PRKAR1B: variants seen among roughly 807,000 people sequenced by gnomAD.
PRKAR1B encodes protein kinase cAMP-dependent type I regulatory subunit beta.
In PRKAR1B, 22 loss-of-function variants were observed where a neutral mutation model predicts 46.5. The ratio of observed to expected loss-of-function variants is 0.47; its 90% CI spans 0.34 to 0.68. The LOEUF is 0.68. Ranked by LOEUF, PRKAR1B falls within the 30% of genes least tolerant of loss-of-function variation. The probability of loss-of-function intolerance (pLI) is 0.01; values close to 1 mark genes in which losing one functional copy is unlikely to be tolerated. For missense variants in PRKAR1B, 445 were observed against 535.6 expected, an observed-to-expected ratio of 0.83 and a Z score of 1.67; for synonymous variants, 259 against 217.7, an observed-to-expected ratio of 1.19 and a Z score of -1.67.
At chr7:680,157 C>CA (rs372918350) in intron 3 of PRKAR1B, among the ~76,000 whole-genome samples, 3,452 of 73,372 alleles carry the variant, frequency 0.047, 185 homozygotes, top group African/African-American at 0.14. Context: ...GACTCTGTTT[C>CA]AAAAAAAAAA....
Position 588,547 on chromosome 7 carries a change from CGGT to C in PRKAR1B, c.709-3982_709-3980del, listed in dbSNP as rs1454686055. On this transcript the variant is annotated intron_variant, in intron 7 of 10. Coordinates refer to ENST00000537384, the MANE Select transcript of PRKAR1B (RefSeq NM_001164760.2). ...GTGGTGACGGTGGTGATGGTGGTGA[CGGT>C]GGTGATGGTGGTGATGTTGGTGAGG... Among the ~76,000 whole-genome samples the C allele has an allele frequency of 6.1e-4, 3 of 4,914 alleles. 1 individual carries two copies. The highest frequency in any genetic ancestry group is 2.6e-3 in the African/African-American group (3 of 1,138). 3.2% of individuals were successfully genotyped at this position (4,914 alleles called of 152,430 possible).
intron 4 of PRKAR1B, among the ~76,000 whole-genome samples, chr7:631,799 A>AAC (rs1554295832): frequency 3.2e-4 from 49 of 152,198 alleles, no homozygotes; most frequent in African/African-American, 1.1e-3. Flanking sequence ...AAAAAAAAAA[A>AAC]ATTGGAAATT....
intron 4 of PRKAR1B, among the ~76,000 whole-genome samples, chr7:660,091 G>A (rs1016374618): frequency 4.0e-5 from 6 of 151,884 alleles, no homozygotes; most frequent in African/African-American, 9.7e-5. Context: ...TCCCCTACTC[G>A]GAGTCAGTGG....
intron 4 of PRKAR1B, among the ~76,000 whole-genome samples, chr7:641,195 G>A (rs1784367884): frequency 1.3e-5 from 2 of 151,950 alleles, no homozygotes; most frequent in South Asian, 2.1e-4. Flanking sequence ...CTCATGATCC[G>A]CCCGCCTCGG....
At chr7:691,508 G>A (rs887140553) in intron 2 of PRKAR1B, 1 of 1,304,460 alleles carries the variant, frequency 7.7e-7, no homozygotes, top group South Asian at 1.2e-5. Context: ...GCCATCCAGG[G>A]AGAGCAAATG....
At chr7:607,732 A>C in intron 4 of PRKAR1B, 2 of 342,468 alleles carry the variant, frequency 5.8e-6, no homozygotes, top group Non-Finnish European at 1.1e-5. Flanking sequence ...CATGCCATAC[A>C]TGCATTTTGA....
At position 622,797 on chromosome 7, in the gene PRKAR1B, T is replaced by A. The variant is rs1315406749; in HGVS notation, c.441-15345A>T. Among the ~76,000 whole-genome samples the A allele has an allele frequency of 5.9e-5, 9 of 152,212 alleles. No homozygotes were observed. In the East Asian group the frequency reaches 1.5e-3, roughly 26 times the overall value. ...GACCCCGCTGAAGGCAGAACACTTGTTCCAGCGCATACTAATATGTTTTTC... is the reference window on the plus strand; with the variant it reads ...GACCCCGCTGAAGGCAGAACACTTGATCCAGCGCATACTAATATGTTTTTC... On this transcript the variant is annotated intron_variant, in intron 4 of 10. Transcript: ENST00000537384.
chr7:571,073 G>A (rs1263265279), intron 9 of PRKAR1B, among the ~76,000 whole-genome samples: 1 of 152,218 alleles, frequency 6.6e-6, no homozygotes, highest in Non-Finnish European at 1.5e-5. Flanking sequence ...GGCCCCTGTG[G>A]CTCCGGCACT....
In PRKAR1B at chr7:593,582, G is replaced by C. The variant is rs768800346; in HGVS notation, c.708+2564C>G. Reference sequence around the variant, plus strand: ...TGGGGAAACGGCTTATGCAACGCCGGGCCAGGTGCGCCCAGAGGAGATGGG... The same window carrying C: ...TGGGGAAACGGCTTATGCAACGCCGCGCCAGGTGCGCCCAGAGGAGATGGG... On this transcript the variant is annotated intron_variant, in intron 7 of 10. Coordinates refer to ENST00000537384, the MANE Select transcript of PRKAR1B (RefSeq NM_001164760.2). The surrounding 1 kb of genome is among the most constrained non-coding windows in gnomAD (Gnocchi z 6.1). Among the ~76,000 whole-genome samples the C allele has an allele frequency of 1.4e-4, 21 of 152,162 alleles. No homozygotes were observed. The highest frequency in any genetic ancestry group is 2.8e-4 in the Non-Finnish European group (19 of 68,038).
chr7:578,208 G>A (rs746596732), intron 9 of PRKAR1B, among the ~76,000 whole-genome samples: 2 of 152,172 alleles, frequency 1.3e-5, no homozygotes, highest in Non-Finnish European at 2.9e-5. Flanking sequence ...TCTCAGGCAC[G>A]GAGTCCCTCG....
At chr7:692,654 C>T (rs888029736) in intron 2 of PRKAR1B, among the ~76,000 whole-genome samples, 6 of 152,156 alleles carry the variant, frequency 3.9e-5, no homozygotes, top group Admixed American at 2.0e-4. Context: ...GCCCTGCAGT[C>T]GCCCGGGAGA....
chr7:713,386 C>T (rs1005981120), intron 1 of PRKAR1B, among the ~76,000 whole-genome samples: 2 of 152,042 alleles, frequency 1.3e-5, no homozygotes, highest in African/African-American at 4.8e-5. Context: ...CTGCACTCAC[C>T]TGCCCGGCTT....
intron 10 of PRKAR1B, among the ~76,000 whole-genome samples, chr7:551,151 C>A (rs914949474): frequency 1.3e-5 from 2 of 152,142 alleles, no homozygotes; most frequent in Admixed American, 6.5e-5. Context: ...CAAGGTCATG[C>A]CCTCTGGGGG....
At chr7:650,880 C>T (rs1428095321) in intron 4 of PRKAR1B, among the ~76,000 whole-genome samples, 2 of 152,200 alleles carry the variant, frequency 1.3e-5, no homozygotes, top group South Asian at 2.1e-4. Context: ...CCCGTGCTGG[C>T]GGATGCCTGC....
Position 550,365 on chromosome 7 carries a change from C to A in PRKAR1B, c.*65G>T. ...CCTCACACAGCGGCTCCCGGGCCCC[C>A]GACACAGACGAGCAGGGCACGGCCA... is the stretch of plus-strand genomic sequence containing the variant. On this transcript the variant is annotated 3_prime_UTR_variant, in exon 11 of 11. Coordinates refer to ENST00000537384, the MANE Select transcript of PRKAR1B (RefSeq NM_001164760.2). The A allele has an allele frequency of 6.7e-7, 1 of 1,494,046 alleles. No individual in the cohort carries two copies. 92.5% of individuals were successfully genotyped at this position (1,494,046 alleles called of 1,614,324 possible). A position where few individuals can be genotyped will look rare whatever the true frequency, so the allele number is the denominator to read the frequency against.
chr7:563,825 A>G (rs1282877765), intron 9 of PRKAR1B, among the ~76,000 whole-genome samples: 1 of 151,384 alleles, frequency 6.6e-6, no homozygotes, highest in African/African-American at 2.4e-5. Context: ...GCCTGTGTCC[A>G]TGTGCACACG....
intron 2 of PRKAR1B, among the ~76,000 whole-genome samples, chr7:702,248 A>C (rs1405070091): frequency 6.6e-6 from 1 of 152,172 alleles, no homozygotes; most frequent in Non-Finnish European, 1.5e-5. Context: ...TAAAAAAGAC[A>C]GTAAGTACTA....
At chr7:699,568 G>A (rs1390256494) in intron 2 of PRKAR1B, among the ~76,000 whole-genome samples, 1 of 151,724 alleles carries the variant, frequency 6.6e-6, no homozygotes, top group Non-Finnish European at 1.5e-5. Context: ...TGGGACTTGG[G>A]GTTGAAGCTC....
intron 4 of PRKAR1B, among the ~76,000 whole-genome samples, chr7:671,317 C>T (rs535825940): frequency 3.9e-5 from 6 of 152,352 alleles, no homozygotes; most frequent in Admixed American, 2.6e-4. Flanking sequence ...GGGCTCCCCA[C>T]GCCCAAACAT....
Sources: gnomAD v4.1 joint callset for allele counts (sites outside exome capture counted in the v4.1 genomes callset) on GRCh38, gnomAD v4.1.1 for gene constraint, Gnocchi (gnomAD v3.1) non-coding constraint, MANE v1.5 for transcripts, NCBI Gene and HGNC (gene_info 2026-07-23, HGNC 2026-07-21) for gene names.